C18orf63: variants seen among roughly 807,000 people sequenced by gnomAD.
C18orf63 encodes the protein uncharacterized protein C18orf63.
C18orf63 carries 50 observed loss-of-function variants against 75.3 expected under a neutral mutation model. That is an observed-to-expected ratio of 0.66 (90% CI 0.53 to 0.84). C18orf63 has a LOEUF of 0.84. Among genes scored for constraint, C18orf63 ranks in the 40% least tolerant of loss-of-function variants. The pLI is 0.00. For missense variants in C18orf63, 732 were observed against 800.2 expected, an observed-to-expected ratio of 0.91 and a Z score of 1.03; for synonymous variants, 232 against 267.6, an observed-to-expected ratio of 0.87 and a Z score of 1.30.
chr18:74,324,932 C>T (rs1984184004), intron 4 of C18orf63, among the ~76,000 whole-genome samples: 1 of 152,024 alleles, frequency 6.6e-6, no homozygotes, highest in Admixed American at 6.6e-5. Flanking sequence ...GGTTTTCTAC[C>T]CTCATTGAGC....
In C18orf63 at chr18:74,353,580, T is replaced by TCTA; in HGVS notation, c.1313_1314insCTA (p.Val438_Phe439insTyr). ...AACATCACCCCTAAGTTTGTACCAG[T>TCTA]TTTCAAAAATAGATTGTTACAAATG... is the stretch of plus-strand genomic sequence containing the variant. On this transcript the variant is annotated inframe_insertion, in exon 12 of 14. Coordinates refer to ENST00000579455, the MANE Select transcript of C18orf63 (RefSeq NM_001174123.2). 2.0e-6 allele frequency: 3 copies of TCTA among 1,536,430 alleles called. No individual in the cohort carries two copies. Among genetic ancestry groups the TCTA allele is most frequent in the South Asian group, 2.4e-5 (2 of 84,066 alleles).
chr18:74,353,389 C>T lies in C18orf63; in HGVS notation c.1122C>T (p.Val374=). 1.3e-6 allele frequency: 2 copies of T among 1,536,262 alleles called. No individual in the cohort carries two copies. The highest frequency in any genetic ancestry group is 1.7e-6 in the Non-Finnish European group (2 of 1,146,924). ...VAVDHKVELS[V]SQPTSGIFSA... ...TGGACCACAAGGTGGAGCTTTCAGT[C>T]AGCCAGCCAACATCAGGCATTTTCT... The change falls in exon 12 of 14, where the codon GTC becomes GTT. Residue 374 remains valine, a synonymous_variant. Coordinates refer to ENST00000579455, the MANE Select transcript of C18orf63 (RefSeq NM_001174123.2).
At chr18:74,319,034 T>C (rs754918319) in intron 2 of C18orf63, among the ~76,000 whole-genome samples, 4 of 152,196 alleles carry the variant, frequency 2.6e-5, no homozygotes, top group African/African-American at 4.8e-5. Flanking sequence ...ACAAAGTTTT[T>C]CTTCTCTCCA....
chr18:74,339,153 C>A (rs1984438868), intron 8 of C18orf63, among the ~76,000 whole-genome samples: 1 of 151,834 alleles, frequency 6.6e-6, no homozygotes, highest in Non-Finnish European at 1.5e-5. Context: ...AATAATGATT[C>A]ATTATAATTT....
chr18:74,345,066 G>A (rs896837009), intron 11 of C18orf63, among the ~76,000 whole-genome samples: 10 of 151,968 alleles, frequency 6.6e-5, no homozygotes, highest in African/African-American at 2.4e-4. Flanking sequence ...GGTATTGTTG[G>A]TCTTGAATTT....
chr18:74,331,739 C>T (rs921503540), intron 7 of C18orf63, among the ~76,000 whole-genome samples: 1 of 152,160 alleles, frequency 6.6e-6, no homozygotes, highest in Admixed American at 6.5e-5. Context: ...AGGCATAGAA[C>T]AAATGATGCT....
chr18:74,317,790 T>G (rs1984050862), intron 1 of C18orf63, 44 bp from the exon 2 acceptor site: 4 of 1,182,278 alleles, frequency 3.4e-6, no homozygotes, highest in East Asian at 2.7e-5. Context: ...GGAACTCTAT[T>G]GGTAAGATAA....
At chr18:74,327,119 C>T (rs1046979705) in intron 4 of C18orf63, among the ~76,000 whole-genome samples, 4 of 151,988 alleles carry the variant, frequency 2.6e-5, no homozygotes, top group Admixed American at 6.5e-5. Context: ...AATTCTTAAC[C>T]GGACCCTTTT....
chr18:74,326,117 A>T (rs1489462583), intron 4 of C18orf63, among the ~76,000 whole-genome samples: 1 of 152,202 alleles, frequency 6.6e-6, no homozygotes, highest in Non-Finnish European at 1.5e-5. Flanking sequence ...CCCTGGGGCC[A>T]TGTTTGAGGT....
chr18:74,353,425 T>G lies in C18orf63; in HGVS notation c.1158T>G (p.His386Gln). Residue 386 changes from histidine to glutamine, a missense_variant, in exon 12 of 14, where the codon CAT becomes CAG. His to Gln is a conservative substitution (Grantham distance 24). Coordinates refer to ENST00000579455, the MANE Select transcript of C18orf63 (RefSeq NM_001174123.2). ...CATCAGGCATTTTCTCAGCTTTGCATCTCCAGCCAGAGTCTGTTCAGGGTA... is the reference window on the plus strand; with the variant it reads ...CATCAGGCATTTTCTCAGCTTTGCAGCTCCAGCCAGAGTCTGTTCAGGGTA... ...QPTSGIFSAL[H>Q]LQPESVQGRK... 1 of 1,536,372 alleles carries G rather than the reference T, an allele frequency of 6.5e-7. No homozygotes were observed. Among genetic ancestry groups the G allele is most frequent in the Non-Finnish European group, 8.7e-7 (1 of 1,146,970 alleles).
chr18:74,353,915 G>A lies in C18orf63; in HGVS notation c.1648G>A (p.Val550Met), dbSNP rs1387291713. Residue 550 changes from valine to methionine, a missense_variant, in exon 12 of 14, where the codon GTG (valine) becomes ATG (methionine). Val to Met is a conservative substitution (Grantham distance 21, BLOSUM62 1). This residue lies in a region of C18orf63 where 495 missense variants were observed against 508.7 expected (regional missense o/e 0.97). Coordinates refer to ENST00000579455, the MANE Select transcript of C18orf63 (RefSeq NM_001174123.2). ...ACTATCTAATAGTGCAGTATTTGTG[G>A]TGTCAAATAACAATTTAGGGGTGGT... ...KQLSNSAVFV[V>M]SNNNLGVVKS... 34 of 1,535,602 alleles carry A rather than the reference G, an allele frequency of 2.2e-5. No homozygotes were observed. The highest frequency in any genetic ancestry group is 2.7e-5 in the Non-Finnish European group (31 of 1,146,574).
intron 10 of C18orf63, 119 bp downstream of exon 10, chr18:74,342,445 T>C: frequency 1.6e-6 from 1 of 629,222 alleles, no homozygotes; most frequent in Admixed American, 2.8e-5. Context: ...GAAACTATGG[T>C]ACATTTCCTC....
At chr18:74,319,049 A>G (rs1568234088) in intron 2 of C18orf63, among the ~76,000 whole-genome samples, 1 of 152,192 alleles carries the variant, frequency 6.6e-6, no homozygotes, top group Non-Finnish European at 1.5e-5. Context: ...TCTCCATTGC[A>G]TATTTTCCCA....
chr18:74,342,611 A>G (rs748949052), intron 10 of C18orf63, among the ~76,000 whole-genome samples: 1 of 152,182 alleles, frequency 6.6e-6, no homozygotes, highest in Non-Finnish European at 1.5e-5. Context: ...GAAAGCAATC[A>G]TGATTCTCCT....
chr18:74,317,899 A>G lies in C18orf63; in HGVS notation c.34A>G (p.Ile12Val). The G allele has an allele frequency of 2.0e-6, 3 of 1,534,982 alleles. No homozygotes were observed. Among genetic ancestry groups the G allele is most frequent in the Non-Finnish European group, 2.6e-6 (3 of 1,146,252 alleles). ...NDSRQQSLFFITLPDLNKLCA... is the reference protein window; with the variant it reads ...NDSRQQSLFFVTLPDLNKLCA... The stretch of plus-strand genomic sequence containing the variant: ...TTCTAGGCAGCAGTCTCTGTTCTTC[A>G]TCACACTTCCAGATTTAAACAAACT... Residue 12 changes from isoleucine (I) to valine (V), a missense_variant, in exon 2 of 14, where the codon ATC becomes GTC. Ile to Val is a conservative substitution (Grantham distance 29). Coordinates refer to ENST00000579455, the MANE Select transcript of C18orf63 (RefSeq NM_001174123.2).
intron 11 of C18orf63, among the ~76,000 whole-genome samples, chr18:74,350,481 A>G (rs1261582394): frequency 3.3e-5 from 5 of 152,166 alleles, no homozygotes; most frequent in Non-Finnish European, 7.4e-5. Context: ...ACAGACACAC[A>G]TAGAGGAAGA....
intron 7 of C18orf63, among the ~76,000 whole-genome samples, chr18:74,337,704 G>A (rs898767226): frequency 2.0e-5 from 3 of 152,084 alleles, no homozygotes; most frequent in African/African-American, 4.8e-5. Context: ...CATTCTGCGT[G>A]TCCTTGCTCT....
chr18:74,342,233 A>T lies in C18orf63; in HGVS notation c.709-8A>T. On this transcript the variant is annotated splice_polypyrimidine_tract_variant and splice_region_variant and intron_variant, in intron 9 of 13. Transcript: ENST00000579455. ...CAAGATATTTAAAATTTTGTGCTTA[A>T]TTTTTAGTATGGCTATAAACTTCCA... 1.3e-6 allele frequency: 2 copies of T among 1,516,332 alleles called. No homozygotes were observed. The highest frequency in any genetic ancestry group is 1.8e-6 in the Non-Finnish European group (2 of 1,129,666). The allele number at this position is 1,516,332 out of a possible 1,614,324, so 93.9% of individuals were successfully genotyped here.
At chr18:74,342,376 T>C (rs1401085292) in intron 10 of C18orf63, 50 bp downstream of exon 10, 8 of 1,133,096 alleles carry the variant, frequency 7.1e-6, no homozygotes, top group Non-Finnish European at 8.9e-6. Context: ...CACCTTATAA[T>C]CTAGTTTTGC....
Sources: gnomAD v4.1 joint callset for allele counts (sites outside exome capture counted in the v4.1 genomes callset) on GRCh38, gnomAD v4.1.1 for gene constraint, gnomAD v4.1.1 regional missense constraint, MANE v1.5 for transcripts, NCBI Gene and HGNC (gene_info 2026-07-23, HGNC 2026-07-21) for gene names.